Variants in AIFM3 observed in about 807,000 individuals in gnomAD.
AIFM3 encodes the protein apoptosis-inducing factor 3.
AIFM3 carries 71 observed loss-of-function variants against 82.7 expected under a neutral mutation model. The observed-to-expected ratio is 0.86, with a 90% CI of 0.71 to 1.05. The LOEUF (loss-of-function observed/expected upper bound fraction) is 1.05, where lower values mean the gene tolerates loss of function less well. Among genes scored for constraint, AIFM3 ranks in the 50% least tolerant of loss-of-function variants. AIFM3 has a pLI of 0.00. For missense variants in AIFM3, 748 were observed against 816.7 expected, an observed-to-expected ratio of 0.92 and a Z score of 1.03; for synonymous variants, 337 against 329.1, an observed-to-expected ratio of 1.02 and a Z score of -0.26.
intron 2 of AIFM3, among the ~76,000 whole-genome samples, chr22:20,968,479 CCT>C (rs1235423768): frequency 6.6e-6 from 1 of 152,132 alleles, no homozygotes; most frequent in Non-Finnish European, 1.5e-5. Context: ...CCTCTGATCC[CCT>C]GTGTGGTCTC....
intron 3 of AIFM3, 110 bp downstream of exon 3, chr22:20,973,630 G>C: frequency 7.2e-7 from 1 of 1,388,984 alleles, no homozygotes; most frequent in Non-Finnish European, 9.8e-7. Flanking sequence ...ACCAGCTGCT[G>C]CCCTGGTCAC....
rs184809254 is a variant in AIFM3, at chr22:20,974,970, G to T, written c.720+154G>T. Among the ~76,000 whole-genome samples the T allele has an allele frequency of 2.8e-4, 42 of 152,298 alleles. 1 individual carries two copies. The East Asian group carries it at 7.4e-3, about 27-fold the overall frequency. On this transcript the variant is annotated intron_variant, in intron 8 of 20. Transcript: ENST00000440238. ...TACCCCCAAAAGATCTAGATTTGTT[G>T]TTGTTGTTTTGAGACAGGGTCTCAC...
intron 2 of AIFM3, among the ~76,000 whole-genome samples, chr22:20,971,967 G>T (rs550949652): frequency 9.0e-4 from 32 of 35,538 alleles, no homozygotes; most frequent in African/African-American, 1.8e-3. Flanking sequence ...TGGAGGCTGT[G>T]GGGGGGGGGG....
At chr22:20,970,388 G>A (rs571040994) in intron 2 of AIFM3, among the ~76,000 whole-genome samples, 10 of 152,286 alleles carry the variant, frequency 6.6e-5, no homozygotes, top group Non-Finnish European at 1.3e-4. Context: ...CTGGGCTCAA[G>A]TGATCCTCCC....
chr22:20,972,906 G>A (rs1227312288), intron 2 of AIFM3, among the ~76,000 whole-genome samples: 2 of 152,082 alleles, frequency 1.3e-5, no homozygotes, highest in Non-Finnish European at 2.9e-5. Context: ...CACACCTCTG[G>A]CGTGGTGGTA....
intron 14 of AIFM3, 150 bp from the exon 15 acceptor site, chr22:20,977,550 A>T: frequency 1.2e-6 from 1 of 859,220 alleles, no homozygotes; most frequent in East Asian, 2.6e-5. Flanking sequence ...GAGACCGGGT[A>T]GTGGGGACCA....
rs764412647 is a variant in AIFM3 at position 20,977,073 on chromosome 22, T to C, written c.1260T>C (p.Ala420=). 1.9e-6 allele frequency: 3 copies of C among 1,614,022 alleles called. No homozygotes were observed. The highest frequency in any genetic ancestry group is 2.7e-5 in the African/African-American group (2 of 74,920). The change falls in exon 14 of 21, where the codon GCT becomes GCC. Residue 420 remains alanine, a synonymous_variant. Coordinates refer to ENST00000440238, the MANE Select transcript of AIFM3 (RefSeq NM_001386814.1). ...VVLKSSKVVR[A]DVCVVGIGAV... is the part of the protein sequence containing the mutation. ...TGAAGAGCAGCAAGGTCGTGCGGGC[T>C]GACGTCTGCGTGGTGGGCATTGGTG...
upstream of AIFM3, chr22:20,965,177 G>A (rs1569143958): frequency 6.8e-6 from 1 of 147,380 alleles, no homozygotes; most frequent in East Asian, 2.0e-4. Context: ...GCCCCAAGCG[G>A]TTCCCGAGCC....
intron 2 of AIFM3, among the ~76,000 whole-genome samples, chr22:20,971,417 C>G (rs1923258160): frequency 2.0e-5 from 3 of 152,128 alleles, no homozygotes; most frequent in African/African-American, 7.2e-5. Flanking sequence ...GAGCTGAGGG[C>G]TGGGACTTGG....
chr22:20,974,751 TCCGAC>T lies in AIFM3; in HGVS notation c.657_661del (p.Ile222ProfsTer24). ...AGAGACACTGCGGCAGGAGGGCTTC[TCCGAC>T]CGGATCGTCCTGTGCACGCTAGACC... On this transcript the variant is annotated frameshift_variant, in exon 8 of 21. Coordinates refer to ENST00000440238, the MANE Select transcript of AIFM3 (RefSeq NM_001386814.1). LOFTEE classifies it high-confidence loss of function. The T allele has an allele frequency of 6.2e-7, 1 of 1,613,752 alleles. No homozygotes were observed. Among genetic ancestry groups the T allele is most frequent in the Non-Finnish European group, 8.5e-7 (1 of 1,179,956 alleles).
chr22:20,981,030 G>A lies in AIFM3; in HGVS notation c.1817G>A (p.Ter606=), dbSNP rs1924084403. ...TCCTGGCTTACGGGGAAAGGATCCT[G>A]AGCTCACATGCAGTAGACTTGGGCA... ...DMSWLTGKGS[*] is the part of the protein sequence containing the mutation. Residue 606 remains the stop codon, a stop_retained_variant, in exon 21 of 21, where the codon TGA becomes TAA. Transcript: ENST00000440238. 17 of 1,614,074 alleles carry A rather than the reference G, an allele frequency of 1.1e-5. No individual in the cohort carries two copies. Among genetic ancestry groups the A allele is most frequent in the Non-Finnish European group, 1.4e-5 (16 of 1,180,032 alleles).
rs757400878 is a variant in AIFM3 at position 20,975,704 on chromosome 22, C to T, written c.733C>T (p.Gln245Ter). 3 of 1,613,776 alleles carry T rather than the reference C, an allele frequency of 1.9e-6. No homozygotes were observed. The highest frequency in any genetic ancestry group is 2.2e-5 in the East Asian group (1 of 44,882). Residue 245 changes from glutamine (Q) to a stop codon, truncating the protein, a stop_gained, in exon 9 of 21, where the codon CAG becomes TAG. Coordinates refer to ENST00000440238, the MANE Select transcript of AIFM3 (RefSeq NM_001386814.1). LOFTEE classifies it high-confidence loss of function. ...CTCTCCCCTGCAGTCCCTGGACACACAGCCTGAGCAGCTGGCCCTGAGGCC... is the reference window on the plus strand; with the variant it reads ...CTCTCCCCTGCAGTCCCTGGACACATAGCCTGAGCAGCTGGCCCTGAGGCC... Reference protein sequence around the residue: ...RPKLSKSLDTQPEQLALRPKE... With the variant: ...RPKLSKSLDT
intron 19 of AIFM3, chr22:20,980,378 G>A: frequency 8.4e-6 from 5 of 597,386 alleles, no homozygotes; most frequent in Non-Finnish European, 1.5e-5. Flanking sequence ...GTGGGAAGGG[G>A]TCAGGGCCCA....
upstream of AIFM3, chr22:20,965,237 C>T (rs1569144004): frequency 6.6e-6 from 1 of 150,646 alleles, no homozygotes; most frequent in African/African-American, 2.4e-5. Context: ...ACCCTGGTCC[C>T]CGGAACCCCG....
At chr22:20,970,549 C>A (rs895959563) in intron 2 of AIFM3, among the ~76,000 whole-genome samples, 2 of 152,200 alleles carry the variant, frequency 1.3e-5, no homozygotes, top group Non-Finnish European at 2.9e-5. Context: ...CAACCTCCGC[C>A]TCCCAGGTTC....
At chr22:20,974,651 G>T in intron 7 of AIFM3, 30 bp downstream of exon 7, 1 of 1,613,360 alleles carries the variant, frequency 6.2e-7, no homozygotes, top group Non-Finnish European at 8.5e-7. Context: ...GGGGCAGGGT[G>T]GGAGATGGGA....
chr22:20,976,065 G>C, intron 9 of AIFM3, 150 bp from the exon 10 acceptor site: 1 of 870,214 alleles, frequency 1.1e-6, no homozygotes, highest in South Asian at 1.6e-5. Flanking sequence ...TGTCTGAAGC[G>C]TAAAGAATGA....
At chr22:20,971,506 C>CA (rs1923265040) in intron 2 of AIFM3, among the ~76,000 whole-genome samples, 1 of 152,212 alleles carries the variant, frequency 6.6e-6, no homozygotes, top group African/African-American at 2.4e-5. Context: ...CCAGGAGAGG[C>CA]AACTCCTGAG....
Position 20,976,481 on chromosome 22 carries a change from C to A in AIFM3, c.973C>A (p.Arg325Ser). Residue 325 changes from arginine to serine, a missense_variant, in exon 11 of 21, where the codon CGC becomes AGC. Physicochemically the swap from Arg to Ser is moderately radical, Grantham distance 110. Coordinates refer to ENST00000440238, the MANE Select transcript of AIFM3 (RefSeq NM_001386814.1). ...FTIRTPEDANRVVRLARGRNV... is the reference protein window; with the variant it reads ...FTIRTPEDANSVVRLARGRNV... ...TATCCGGACGCCAGAGGATGCCAAT[C>A]GCGTGGTGAGGCTGGCCCGAGGCCG... is the stretch of plus-strand genomic sequence containing the variant. 1.9e-6 allele frequency: 3 copies of A among 1,613,994 alleles called. No homozygotes were observed. Among genetic ancestry groups the A allele is most frequent in the Non-Finnish European group, 2.5e-6 (3 of 1,180,026 alleles).
Sources: gnomAD v4.1 joint callset for allele counts (sites outside exome capture counted in the v4.1 genomes callset) on GRCh38, gnomAD v4.1.1 for gene constraint, MANE v1.5 for transcripts, NCBI Gene and HGNC (gene_info 2026-07-23, HGNC 2026-07-21) for gene names.